The following SGCZ variants were observed in gnomAD, a reference collection of about 807,000 sequenced individuals.
SGCZ encodes the protein sarcoglycan zeta.
A neutral mutation model predicts 41.3 loss-of-function variants in SGCZ; 40 were observed. That is an observed-to-expected ratio of 0.97 (90% CI 0.75 to 1.26). SGCZ has a LOEUF of 1.26. SGCZ is among the 50% of genes most tolerant of loss of function. The pLI, the probability that SGCZ is intolerant of heterozygous loss-of-function variation, is 0.00. For synonymous variants in SGCZ, 206 were observed against 137.5 expected, an observed-to-expected ratio of 1.50 and a Z score of -3.49; for missense variants, 552 against 369.8, an observed-to-expected ratio of 1.49 and a Z score of -4.04.
chr8:14,895,166 A>C (rs1805149023), intron 1 of SGCZ, among the ~76,000 whole-genome samples: 1 of 152,170 alleles, frequency 6.6e-6, no homozygotes, highest in Non-Finnish European at 1.5e-5. Context: ...TAAGTTAATA[A>C]TTATTGATTT....
intron 1 of SGCZ, among the ~76,000 whole-genome samples, chr8:15,039,839 C>T (rs1298755067): frequency 2.0e-5 from 3 of 152,086 alleles, no homozygotes; most frequent in Admixed American, 2.0e-4. Flanking sequence ...ATGTGTATTG[C>T]ACGTTATACA....
intron 1 of SGCZ, among the ~76,000 whole-genome samples, chr8:14,836,504 G>A (rs74763640): frequency 0.048 from 7,250 of 152,106 alleles, 565 homozygotes; most frequent in African/African-American, 0.16. Context: ...ACTCACAATT[G>A]TGTTTTTGTT....
At chr8:14,900,016 C>G (rs1798911176) in intron 1 of SGCZ, among the ~76,000 whole-genome samples, 2 of 152,006 alleles carry the variant, frequency 1.3e-5, no homozygotes, top group Admixed American at 1.3e-4. Flanking sequence ...GAGAGGAGAC[C>G]TTTCAGTGAA....
intron 4 of SGCZ, among the ~76,000 whole-genome samples, chr8:14,171,899 C>A (rs1355090609): frequency 1.3e-5 from 2 of 152,030 alleles, no homozygotes; most frequent in African/African-American, 4.8e-5. Context: ...GAATTAAATG[C>A]TGAACAAGAA....
chr8:14,417,995 T>A (rs553381326), intron 2 of SGCZ, among the ~76,000 whole-genome samples: 4 of 151,948 alleles, frequency 2.6e-5, no homozygotes, highest in South Asian at 4.1e-4. Context: ...CTGGTCCTGA[T>A]AATGTACAAA....
chr8:14,767,223 TAGC>T (rs1800065028), intron 1 of SGCZ, among the ~76,000 whole-genome samples: 1 of 152,186 alleles, frequency 6.6e-6, no homozygotes, highest in African/African-American at 2.4e-5. Flanking sequence ...GGCCTTGCAG[TAGC>T]CTACTTTTCC....
intron 7 of SGCZ, 111 bp from the exon 8 acceptor site, chr8:14,090,748 C>T (rs1191078641): frequency 1.1e-6 from 1 of 906,392 alleles, no homozygotes; most frequent in African/African-American, 1.7e-5. Flanking sequence ...CAAACAATTC[C>T]ATGGTTTAGC....
intron 1 of SGCZ, among the ~76,000 whole-genome samples, chr8:15,085,476 A>G (rs17120890): frequency 0.019 from 2,943 of 152,264 alleles, 104 homozygotes; most frequent in African/African-American, 0.067. Context: ...AAATAAGGAA[A>G]TAAATTCCCC....
chr8:14,646,793 T>C (rs1487824514), intron 1 of SGCZ, among the ~76,000 whole-genome samples: 1 of 149,758 alleles, frequency 6.7e-6, no homozygotes, highest in Non-Finnish European at 1.5e-5. Context: ...ATATATTCAT[T>C]CAAAACACTT....
intron 1 of SGCZ, among the ~76,000 whole-genome samples, chr8:14,757,884 C>CAAT (rs1346068431): frequency 6.6e-6 from 1 of 152,110 alleles, no homozygotes; most frequent in Non-Finnish European, 1.5e-5. Flanking sequence ...TAAGCAAAGA[C>CAAT]AATATACTGT....
intron 1 of SGCZ, among the ~76,000 whole-genome samples, chr8:14,575,003 T>C (rs889635839): frequency 6.6e-6 from 1 of 152,216 alleles, no homozygotes; most frequent in Non-Finnish European, 1.5e-5. Flanking sequence ...TTTGTGATTA[T>C]ATTTACAGAA....
Position 14,208,113 on chromosome 8 carries a change from C to A in SGCZ, c.424+29479G>T, listed in dbSNP as rs117901446. Among the ~76,000 whole-genome samples, 1,389 of 152,260 alleles carry A rather than the reference C, an allele frequency of 9.1e-3. 14 individuals carry two copies. Among genetic ancestry groups the A allele is most frequent in the South Asian group, 0.017 (82 of 4,826 alleles). ...CTATACTCAATGTACTTCCTACTAA[C>A]CATGTTTAGCTTAACATAATAAAAA... On this transcript the variant is annotated intron_variant, in intron 4 of 7. Coordinates refer to ENST00000382080, the MANE Select transcript of SGCZ (RefSeq NM_139167.4).
intron 1 of SGCZ, among the ~76,000 whole-genome samples, chr8:15,132,653 C>T (rs887314974): frequency 2.4e-4 from 37 of 152,072 alleles, no homozygotes; most frequent in Admixed American, 1.3e-3. Context: ...AAAAATTTAA[C>T]GAGTTGTGAG....
At chr8:14,767,818 T>G (rs1212338184) in intron 1 of SGCZ, among the ~76,000 whole-genome samples, 3 of 152,164 alleles carry the variant, frequency 2.0e-5, no homozygotes, top group Non-Finnish European at 2.9e-5. Context: ...AAAGACTTCT[T>G]AAGGGCAGAG....
intron 1 of SGCZ, among the ~76,000 whole-genome samples, chr8:14,928,353 A>T (rs1262166889): frequency 6.6e-6 from 1 of 152,190 alleles, no homozygotes; most frequent in African/African-American, 2.4e-5. Context: ...GTCTGTGCTC[A>T]GGGAGAAAAG....
intron 3 of SGCZ, among the ~76,000 whole-genome samples, chr8:14,285,254 G>A (rs1800583463): frequency 6.6e-6 from 1 of 152,124 alleles, no homozygotes; most frequent in Non-Finnish European, 1.5e-5. Context: ...TCAGAGCTTA[G>A]TCTTAGTCTT....
At chr8:14,894,004 A>G (rs992836942) in intron 1 of SGCZ, among the ~76,000 whole-genome samples, 7 of 152,186 alleles carry the variant, frequency 4.6e-5, no homozygotes, top group African/African-American at 1.7e-4. Flanking sequence ...TATCTATATC[A>G]AAATGACTGG....
intron 1 of SGCZ, among the ~76,000 whole-genome samples, chr8:14,583,133 A>G (rs1489213937): frequency 3.3e-5 from 5 of 150,176 alleles, no homozygotes; most frequent in East Asian, 2.0e-4. Flanking sequence ...CAACAGTGTA[A>G]AAGTGTTCCT....
intron 7 of SGCZ, among the ~76,000 whole-genome samples, chr8:14,093,638 CT>C (rs1452402232): frequency 6.6e-5 from 10 of 152,126 alleles, no homozygotes; most frequent in East Asian, 3.9e-4. Context: ...TAGCTTTCCA[CT>C]TTTTTGATGC....
Sources: allele counts gnomAD v4.1 joint callset (sites outside exome capture counted in the v4.1 genomes callset), GRCh38; gene constraint gnomAD v4.1.1; transcripts MANE v1.5; gene names NCBI Gene and HGNC (gene_info 2026-07-23, HGNC 2026-07-21).